The following GABARAPL1 variants were observed in gnomAD, a reference collection of about 807,000 sequenced individuals.
GABARAPL1 encodes GABA type A receptor associated protein like 1.
A neutral mutation model predicts 14.5 loss-of-function variants in GABARAPL1; 4 were observed. That is an observed-to-expected ratio of 0.28 (90% CI 0.14 to 0.63). The LOEUF is 0.63. GABARAPL1 is among the 30% of genes least tolerant of loss of function. The probability of loss-of-function intolerance (pLI) is 0.84; values close to 1 mark genes in which losing one functional copy is unlikely to be tolerated. For synonymous variants in GABARAPL1, 47 were observed against 50.6 expected (o/e 0.93, Z 0.30); for missense variants, 82 against 139.2 (o/e 0.59, Z 2.07).
chr12:10,221,715 G>A (rs1228338150), intron 3 of GABARAPL1, 72 bp from the exon 4 acceptor site: 7 of 1,539,052 alleles, frequency 4.5e-6, no homozygotes, highest in East Asian at 4.5e-5. Flanking sequence ...TTACAAGGTT[G>A]TGTGAGGCTC....
At chr12:10,213,424 A>C in intron 1 of GABARAPL1, 1 of 632,610 alleles carries the variant, frequency 1.6e-6, no homozygotes. Flanking sequence ...TGGGCCCCGA[A>C]CCCCACTTCA....
intron 1 of GABARAPL1, chr12:10,214,245 T>G (rs1006847440): frequency 1.2e-5 from 2 of 171,492 alleles, no homozygotes; most frequent in Admixed American, 6.0e-5. Flanking sequence ...TTATCTGATG[T>G]CTTTTCTTGA....
At chr12:10,219,837 G>A (rs562609124) in intron 2 of GABARAPL1, among the ~76,000 whole-genome samples, 1 of 151,952 alleles carries the variant, frequency 6.6e-6, no homozygotes, top group South Asian at 2.1e-4. Flanking sequence ...AGTCTTCATC[G>A]TGATCCTTAA....
At chr12:10,214,698 G>GT (rs1310297599) in intron 1 of GABARAPL1, 1 of 152,200 alleles carries the variant, frequency 6.6e-6, no homozygotes, top group Non-Finnish European at 1.5e-5. Flanking sequence ...AAGAAATGCA[G>GT]TAACTTCCTA....
At position 10,222,595 on chromosome 12, in the gene GABARAPL1, G is replaced by A. The variant is rs917171290; in HGVS notation, c.*743G>A. ...CTGTCTAACCTGCTCTTTCTCTTTGGTGCCCCTTATCTCACCCCTTCCTTG... is the reference window on the plus strand; with the variant it reads ...CTGTCTAACCTGCTCTTTCTCTTTGATGCCCCTTATCTCACCCCTTCCTTG... On this transcript the variant is annotated 3_prime_UTR_variant, in exon 4 of 4. Transcript: ENST00000266458. The A allele has an allele frequency of 1.3e-5, 2 of 152,202 alleles. No individual in the cohort carries two copies. The highest frequency in any genetic ancestry group is 4.8e-5 in the African/African-American group (2 of 41,388). The allele number at this position is 152,202 out of a possible 1,614,324, so 9.4% of individuals were successfully genotyped here.
intron 3 of GABARAPL1, chr12:10,221,009 C>G: frequency 1.0e-6 from 1 of 985,420 alleles, no homozygotes; most frequent in Non-Finnish European, 1.2e-6. Context: ...CCTTCTAACT[C>G]TGAGGCCAGC....
intron 2 of GABARAPL1, among the ~76,000 whole-genome samples, chr12:10,218,488 G>C (rs549900109): frequency 6.6e-6 from 1 of 152,036 alleles, no homozygotes; most frequent in Admixed American, 6.6e-5. Context: ...CAGAAGAATG[G>C]TGTGAACCCG....
intron 1 of GABARAPL1, chr12:10,213,929 T>C: frequency 2.2e-6 from 1 of 454,370 alleles, no homozygotes; most frequent in South Asian, 1.6e-5. Context: ...AGACGTTTTT[T>C]CTCCGTTTTG....
At chr12:10,221,395 G>T (rs1227293233) in intron 3 of GABARAPL1, 9 of 970,848 alleles carry the variant, frequency 9.3e-6, no homozygotes, top group Non-Finnish European at 1.1e-5. Flanking sequence ...CCTTCTCATT[G>T]TGCTCCGTTA....
At chr12:10,220,607 C>A in intron 3 of GABARAPL1, 49 bp downstream of exon 3, 1 of 1,613,116 alleles carries the variant, frequency 6.2e-7, no homozygotes, top group Non-Finnish European at 8.5e-7. Flanking sequence ...TGCAGTCTGG[C>A]ATCCTCTAGC....
intron 1 of GABARAPL1, chr12:10,213,841 G>C (rs1253888900): frequency 2.2e-6 from 1 of 455,790 alleles, no homozygotes; most frequent in Non-Finnish European, 4.4e-6. Context: ...TCTAGGCTCC[G>C]GGGCTTGTGT....
chr12:10,220,897 T>A, intron 3 of GABARAPL1: 1 of 1,391,840 alleles, frequency 7.2e-7, no homozygotes, highest in Non-Finnish European at 9.3e-7. Flanking sequence ...TTCCTGCTAT[T>A]CTGGTTGGTA....
At chr12:10,217,372 G>A (rs1464990278) in intron 1 of GABARAPL1, among the ~76,000 whole-genome samples, 1 of 152,128 alleles carries the variant, frequency 6.6e-6, no homozygotes, top group Non-Finnish European at 1.5e-5. Context: ...GTATTTATGA[G>A]AAATAATAAC....
chr12:10,217,263 C>T (rs1004834374), intron 1 of GABARAPL1, among the ~76,000 whole-genome samples: 5 of 152,160 alleles, frequency 3.3e-5, no homozygotes, highest in Admixed American at 3.3e-4. Flanking sequence ...CTTGTTTTAA[C>T]ACTGTTTCTT....
chr12:10,221,208 G>T, intron 3 of GABARAPL1: 1 of 975,824 alleles, frequency 1.0e-6, no homozygotes, highest in South Asian at 4.7e-5. Flanking sequence ...TTAAGGCAAA[G>T]TCTGTAAATG....
At chr12:10,213,674 G>A in intron 1 of GABARAPL1, 1 of 347,706 alleles carries the variant, frequency 2.9e-6, no homozygotes, top group Non-Finnish European at 5.7e-6. Context: ...CTTTAATGAA[G>A]TTGACTTTGG....
intron 2 of GABARAPL1, among the ~76,000 whole-genome samples, chr12:10,218,607 C>G (rs1453485817): frequency 6.6e-6 from 1 of 152,030 alleles, no homozygotes; most frequent in Non-Finnish European, 1.5e-5. Flanking sequence ...TTTCCCATCA[C>G]CATGTCTTGT....
rs1565438419 is a variant in GABARAPL1, at chr12:10,222,019, T to C, written c.*167T>C. 17 of 636,610 alleles carry C rather than the reference T, an allele frequency of 2.7e-5. No individual in the cohort carries two copies. Among genetic ancestry groups the C allele is most frequent in the South Asian group, 2.5e-4 (14 of 55,426 alleles). The allele number at this position is 636,610 out of a possible 1,614,324, so 39.4% of individuals were successfully genotyped here. A position where few individuals can be genotyped will look rare whatever the true frequency, so the allele number is the denominator to read the frequency against. On this transcript the variant is annotated 3_prime_UTR_variant, in exon 4 of 4. Transcript: ENST00000266458. ...CGTCATCACATTTTCACATGCTCAA[T>C]TGATATTTTTTGCTGCTTCCTCGGC...
rs2302486 is a variant in GABARAPL1 at position 10,212,975 on chromosome 12, C to T, written c.-155C>T. 1 of 562,448 alleles carries T rather than the reference C, an allele frequency of 1.8e-6. No individual in the cohort carries two copies. Among genetic ancestry groups the T allele is most frequent in the African/African-American group, 1.9e-5 (1 of 51,820 alleles). The allele number at this position is 562,448 out of a possible 1,614,324, so 34.8% of individuals were successfully genotyped here. ...CTCACCCGAGATCCCCGCCCCGAAC[C>T]CCCCCTGCACACTCGGCCCAGCGCT... On this transcript the variant is annotated 5_prime_UTR_variant, in exon 1 of 4. Transcript: ENST00000266458.
Sources: gnomAD v4.1 joint callset for allele counts (sites outside exome capture counted in the v4.1 genomes callset) on GRCh38, gnomAD v4.1.1 for gene constraint, MANE v1.5 for transcripts, NCBI Gene and HGNC (gene_info 2026-07-23, HGNC 2026-07-21) for gene names.